PRAME: variants seen among roughly 807,000 people sequenced by gnomAD.
PRAME encodes the protein PRAME nuclear receptor transcriptional regulator.
In PRAME, 21 loss-of-function variants were observed where a neutral mutation model predicts 32.1. The ratio of observed to expected loss-of-function variants is 0.65; its 90% CI spans 0.46 to 0.94. The LOEUF is 0.94. Among genes scored for constraint, PRAME ranks in the 40% least tolerant of loss-of-function variants. The probability of loss-of-function intolerance (pLI) is 0.00; values close to 1 mark genes in which losing one functional copy is unlikely to be tolerated. For synonymous variants in PRAME, 274 were observed against 251.5 expected, an observed-to-expected ratio of 1.09 and a Z score of -0.85; for missense variants, 651 against 622.3, an observed-to-expected ratio of 1.05 and a Z score of -0.49.
intron 2 of PRAME, 191 bp downstream of exon 2, chr22:22,557,354 G>T (rs1023973604): frequency 1.2e-5 from 2 of 163,840 alleles, no homozygotes; most frequent in East Asian, 3.3e-4. Context: ...CATCCTTACA[G>T]CCACAACTCC....
At position 22,556,798 on chromosome 22, in the gene PRAME, G is replaced by A. The variant is rs760042442; in HGVS notation, c.21+14C>T. ...TTCTCTGAGCACCTCAGACAGCTCA[G>A]GGGACCTTCTTACCCACAAACGCCT... is the stretch of plus-strand genomic sequence containing the variant. On this transcript the variant is annotated intron_variant, in intron 3 of 5. Coordinates refer to ENST00000405655, the MANE Select transcript of PRAME (RefSeq NM_206956.3). 2.5e-6 allele frequency: 4 copies of A among 1,612,516 alleles called. No homozygotes were observed. Among genetic ancestry groups the A allele is most frequent in the Non-Finnish European group, 2.5e-6 (3 of 1,179,816 alleles).
intron 3 of PRAME, chr22:22,554,260 TTA>T (rs2147021167): frequency 1.0e-6 from 1 of 984,766 alleles, no homozygotes; most frequent in African/African-American, 1.7e-5. Context: ...CCTACAATTC[TTA>T]TATTCTACTG....
intron 3 of PRAME, chr22:22,555,912 T>C (rs1320726971): frequency 4.3e-6 from 2 of 470,394 alleles, no homozygotes; most frequent in Non-Finnish European, 8.8e-6. Flanking sequence ...ACTGGAAGTG[T>C]GGGCTTTTGC....
chr22:22,548,450 G>A lies in PRAME; in HGVS notation c.1147C>T (p.Leu383=), dbSNP rs573594029. Reference sequence around the variant, plus strand: ...GTGATCCCACACTCATCAAAGACCAGGTCCTGGAGGGTGGCAGAGGCTCTC... The same window carrying A: ...GTGATCCCACACTCATCAAAGACCAAGTCCTGGAGGGTGGCAGAGGCTCTC... ...LERASATLQD[L]VFDECGITDD... Residue 383 remains leucine (L), a synonymous_variant, in exon 6 of 6, where the codon CTG becomes TTG. Transcript: ENST00000405655. The A allele has an allele frequency of 3.1e-6, 5 of 1,613,718 alleles. No individual in the cohort carries two copies. The Admixed American group carries it at 5.0e-5, about 16-fold the overall frequency.
Position 22,548,008 on chromosome 22 carries a change from G to A in PRAME, c.*59C>T, listed in dbSNP as rs1555954409. On this transcript the variant is annotated 3_prime_UTR_variant, in exon 6 of 6. Transcript: ENST00000405655. ...GCTGCTTTGTTGCTTCAAGATGCAT[G>A]CACATCCTGGCTTTAGTGTCCAAGT... The A allele has an allele frequency of 2.0e-6, 3 of 1,506,626 alleles. No homozygotes were observed. In the South Asian group the frequency reaches 3.8e-5, roughly 19 times the overall value. The allele number at this position is 1,506,626 out of a possible 1,614,324, so 93.3% of individuals were successfully genotyped here. A position where few individuals can be genotyped will look rare whatever the true frequency, so the allele number is the denominator to read the frequency against.
At position 22,550,995 on chromosome 22, in the gene PRAME, G is replaced by C; in HGVS notation, c.116C>G (p.Ala39Gly). ...LAGQSLLKDEALAIAALELLP... is the reference protein window; with the variant it reads ...LAGQSLLKDEGLAIAALELLP... ...CAACTCCAGGGCGGCAATGGCCAGGGCCTCATCCTTCAGCAGGCTCTGCCC... is the reference window on the plus strand; with the variant it reads ...CAACTCCAGGGCGGCAATGGCCAGGCCCTCATCCTTCAGCAGGCTCTGCCC... The change falls in exon 4 of 6, where the codon GCC becomes GGC. Residue 39 changes from alanine (A) to glycine (G), a missense_variant. Physicochemically the swap from Ala to Gly is moderately conservative, Grantham distance 60. Transcript: ENST00000405655. 6.2e-7 allele frequency: 1 copy of C among 1,613,308 alleles called. No individual in the cohort carries two copies. The highest frequency in any genetic ancestry group is 8.5e-7 in the Non-Finnish European group (1 of 1,179,772).
At position 22,553,536 on chromosome 22, in the gene PRAME, A is replaced by T. The variant is rs147917790; in HGVS notation, c.22-2447T>A. Among the ~76,000 whole-genome samples the T allele has an allele frequency of 3.2e-3, 487 of 152,006 alleles. 6 individuals are homozygous for T. The South Asian group carries it at 0.049, about 15-fold the overall frequency. ...GGAAGATGAAAGATAGTTCCAGTAA[A>T]GCCAAGGTAATCACTGAGGCAGGGA... On this transcript the variant is annotated intron_variant, in intron 3 of 5. Coordinates refer to ENST00000405655, the MANE Select transcript of PRAME (RefSeq NM_206956.3).
At position 22,556,792 on chromosome 22, in the gene PRAME, A is replaced by G. The variant is rs539707122; in HGVS notation, c.21+20T>C. 4.3e-6 allele frequency: 7 copies of G among 1,612,584 alleles called. No homozygotes were observed. In the African/African-American group the frequency reaches 6.7e-5, roughly 15 times the overall value. ...CAGGGCTTCTCTGAGCACCTCAGAC[A>G]GCTCAGGGGACCTTCTTACCCACAA... On this transcript the variant is annotated intron_variant, in intron 3 of 5. Transcript: ENST00000405655.
Position 22,557,585 on chromosome 22 carries a change from A to G in PRAME, c.-113-5T>C, listed in dbSNP as rs8136728. On this transcript the variant is annotated splice_polypyrimidine_tract_variant and splice_region_variant and intron_variant, in intron 1 of 5. Coordinates refer to ENST00000405655, the MANE Select transcript of PRAME (RefSeq NM_206956.3). ...GTTCACCACACCGCGAAGTTGCTGG[A>G]AGGAAAGAACGAGACAATGGCTCAG... is the stretch of plus-strand genomic sequence containing the variant. 0.4 allele frequency: 58,397 copies of G among 146,528 alleles called. 13,169 individuals carry two copies. Among genetic ancestry groups the G allele is most frequent in the South Asian group, 0.52 (2,322 of 4,496 alleles). The allele number at this position is 146,528 out of a possible 1,614,324, so 9.1% of individuals were successfully genotyped here.
chr22:22,549,897 T>C lies in PRAME; in HGVS notation c.782A>G (p.Asn261Ser), dbSNP rs778692666. The part of the protein sequence containing the change: ...KFSPYLGQMI[N>S]LRRLLLSHIH... ...GTGGGAGAGGAGGAGTCTACGCAGATTAATCATCTGGCCCAGGTAAGGAGA... is the reference window on the plus strand; with the variant it reads ...GTGGGAGAGGAGGAGTCTACGCAGACTAATCATCTGGCCCAGGTAAGGAGA... The change falls in exon 5 of 6, where the codon AAT (asparagine) becomes AGT (serine). Residue 261 changes from asparagine to serine, a missense_variant. Coordinates refer to ENST00000405655, the MANE Select transcript of PRAME (RefSeq NM_206956.3). 8 of 1,613,836 alleles carry C rather than the reference T, an allele frequency of 5.0e-6. No homozygotes were observed. In the South Asian group the frequency reaches 7.7e-5, roughly 16 times the overall value.
intron 3 of PRAME, among the ~76,000 whole-genome samples, chr22:22,555,265 G>A (rs1254968917): frequency 6.6e-6 from 1 of 151,854 alleles, no homozygotes; most frequent in African/African-American, 2.4e-5. Context: ...TCTGCACCAG[G>A]TCCTTCAGGT....
In PRAME at chr22:22,547,877, C is replaced by A; in HGVS notation, c.*190G>T. 1 of 636,298 alleles carries A rather than the reference C, an allele frequency of 1.6e-6. No homozygotes were observed. Among genetic ancestry groups the A allele is most frequent in the South Asian group, 2.0e-5 (1 of 50,318 alleles). The allele number at this position is 636,298 out of a possible 1,614,324, so 39.4% of individuals were successfully genotyped here. A position where few individuals can be genotyped will look rare whatever the true frequency, so the allele number is the denominator to read the frequency against. On this transcript the variant is annotated 3_prime_UTR_variant, in exon 6 of 6. Coordinates refer to ENST00000405655, the MANE Select transcript of PRAME (RefSeq NM_206956.3). ...ATTAACTCCTCAAGTCAACATCTGCCTACCCCCAACTTCCCCTTTTTTTCC... is the reference window on the plus strand; with the variant it reads ...ATTAACTCCTCAAGTCAACATCTGCATACCCCCAACTTCCCCTTTTTTTCC...
At chr22:22,556,767 C>G (rs375107843) in intron 3 of PRAME, 45 bp downstream of exon 3, 16 of 1,611,012 alleles carry the variant, frequency 9.9e-6, no homozygotes, top group Non-Finnish European at 1.4e-5. Context: ...CAGAGGGGAA[C>G]AGGGCTTCTC....
intron 4 of PRAME, 107 bp from the exon 5 acceptor site, chr22:22,550,441 G>T: frequency 7.2e-7 from 1 of 1,398,462 alleles, no homozygotes; most frequent in Non-Finnish European, 9.6e-7. Context: ...ATCCACCTTA[G>T]ATCTGCACTT....
intron 3 of PRAME, chr22:22,554,322 C>T: frequency 1.1e-6 from 1 of 872,610 alleles, no homozygotes; most frequent in Non-Finnish European, 1.4e-6. Flanking sequence ...TTACTGTGGC[C>T]TGCGTAAGGA....
At position 22,557,292 on chromosome 22, in the gene PRAME, C is replaced by T. The variant is rs534392922; in HGVS notation, c.-78+253G>A. ...CAGAGCATCCACCGCATTACAAATG[C>T]GCACCCACCCTGGAGAGCTCCAACC... is the stretch of plus-strand genomic sequence containing the variant. On this transcript the variant is annotated intron_variant, in intron 2 of 5. Coordinates refer to ENST00000405655, the MANE Select transcript of PRAME (RefSeq NM_206956.3). The T allele has an allele frequency of 2.3e-4, 49 of 213,374 alleles. No homozygotes were observed. The East Asian group carries it at 5.0e-3, about 22-fold the overall frequency. 13.2% of individuals were successfully genotyped at this position (213,374 alleles called of 1,614,324 possible).
In PRAME at chr22:22,548,648, A is replaced by C; in HGVS notation, c.954-5T>G. The C allele has an allele frequency of 1.3e-6, 2 of 1,579,782 alleles. No individual in the cohort carries two copies. The highest frequency in any genetic ancestry group is 1.7e-6 in the Non-Finnish European group (2 of 1,165,360). The stretch of plus-strand genomic sequence containing the variant: ...TCCAAGGGGTTCATCACGTGCCTGC[A>C]AATAGACAAAGCAGTTAGTGCTGGG... On this transcript the variant is annotated splice_region_variant and splice_polypyrimidine_tract_variant and intron_variant, in intron 5 of 5. Coordinates refer to ENST00000405655, the MANE Select transcript of PRAME (RefSeq NM_206956.3).
intron 3 of PRAME, chr22:22,553,777 T>G (rs924715413): frequency 3.6e-5 from 35 of 983,832 alleles, no homozygotes; most frequent in Admixed American, 6.2e-5. Flanking sequence ...AGGAAAGAAA[T>G]AAACAAGGGC....
chr22:22,553,778 A>G, intron 3 of PRAME: 7 of 984,078 alleles, frequency 7.1e-6, no homozygotes, highest in Non-Finnish European at 8.4e-6. Flanking sequence ...GGAAAGAAAT[A>G]AACAAGGGCT....
Sources: gnomAD v4.1 joint callset for allele counts (sites outside exome capture counted in the v4.1 genomes callset) on GRCh38, gnomAD v4.1.1 for gene constraint, MANE v1.5 for transcripts, NCBI Gene and HGNC (gene_info 2026-07-23, HGNC 2026-07-21) for gene names.